The following CREM variants were observed in gnomAD, a reference collection of about 807,000 sequenced individuals.
CREM encodes cAMP-responsive element modulator.
Under a neutral mutation model 37.3 loss-of-function variants are expected in CREM, and 13 were observed. The ratio of observed to expected loss-of-function variants is 0.35; its 90% CI spans 0.23 to 0.55. CREM has a LOEUF of 0.55. CREM is among the 20% of genes least tolerant of loss of function. The pLI is 0.88. For synonymous variants in CREM, 124 were observed against 120.2 expected, an observed-to-expected ratio of 1.03 and a Z score of -0.21; for missense variants, 296 against 362.3, an observed-to-expected ratio of 0.82 and a Z score of 1.49.
rs2087917861 is a variant in CREM, at chr10:35,127,154, A to G, written c.-94A>G. The G allele has an allele frequency of 6.6e-6, 1 of 152,656 alleles. No individual in the cohort carries two copies. The highest frequency in any genetic ancestry group is 2.1e-4 in the South Asian group (1 of 4,824). 9.5% of individuals were successfully genotyped at this position (152,656 alleles called of 1,614,324 possible). On this transcript the variant is annotated 5_prime_UTR_variant, in exon 1 of 8. Transcript: ENST00000685392. ...CCGTCTCCACCTCCTCGCGTCCGTA[A>G]TCAGTGACGAGGTCCGCTACGTAAA...
At chr10:35,203,554 C>T (rs1311694860) in intron 6 of CREM, among the ~76,000 whole-genome samples, 3 of 151,890 alleles carry the variant, frequency 2.0e-5, no homozygotes, top group East Asian at 1.9e-4. Context: ...TAGCTGGGAG[C>T]GGTGGTGGGC....
intron 2 of CREM, among the ~76,000 whole-genome samples, chr10:35,142,605 AGC>A (rs1452456364): frequency 6.6e-6 from 1 of 152,052 alleles, no homozygotes; most frequent in African/African-American, 2.4e-5. Context: ...AGAATTTAAT[AGC>A]TATATTTATA....
chr10:35,154,386 C>G, intron 3 of CREM: 1 of 272,190 alleles, frequency 3.7e-6, no homozygotes, highest in Non-Finnish European at 6.8e-6. Flanking sequence ...TTAAAGAGAT[C>G]TGCATTATGT....
chr10:35,176,249 A>T (rs964806482), intron 3 of CREM, among the ~76,000 whole-genome samples: 1 of 152,162 alleles, frequency 6.6e-6, no homozygotes, highest in Non-Finnish European at 1.5e-5. Context: ...TGAGCAGTTC[A>T]TGTCTTCTTC....
At chr10:35,163,250 A>G (rs1355138173) in intron 3 of CREM, among the ~76,000 whole-genome samples, 3 of 152,004 alleles carry the variant, frequency 2.0e-5, no homozygotes, top group African/African-American at 7.2e-5. Flanking sequence ...TAGAGAACAA[A>G]AATATTAAAT....
chr10:35,147,675 TAAG>T (rs1025757597), intron 2 of CREM, among the ~76,000 whole-genome samples: 11 of 152,298 alleles, frequency 7.2e-5, no homozygotes, highest in African/African-American at 2.6e-4. Flanking sequence ...TATTAGGCCT[TAAG>T]AATCATAGAA....
intron 6 of CREM, among the ~76,000 whole-genome samples, chr10:35,193,230 A>G (rs1246540849): frequency 6.6e-6 from 1 of 152,226 alleles, no homozygotes; most frequent in African/African-American, 2.4e-5. Context: ...TTACCAAATG[A>G]AAGTGAACTG....
chr10:35,171,463 G>C (rs2093818396), intron 3 of CREM: 1 of 152,044 alleles, frequency 6.6e-6, no homozygotes, highest in Admixed American at 6.6e-5. Flanking sequence ...TGAGGACTTA[G>C]CCATTTTTGA....
chr10:35,130,048 T>A (rs534534861), intron 1 of CREM, among the ~76,000 whole-genome samples: 1 of 151,238 alleles, frequency 6.6e-6, no homozygotes. Context: ...AATACAAAAT[T>A]AGCCGGGCAT....
At chr10:35,204,292 A>G (rs922465548) in intron 6 of CREM, among the ~76,000 whole-genome samples, 1 of 152,326 alleles carries the variant, frequency 6.6e-6, no homozygotes, top group Admixed American at 6.5e-5. Context: ...AAGTTTATTC[A>G]TATGCTGGTG....
intron 7 of CREM, chr10:35,210,308 G>A (rs190399889): frequency 8.5e-5 from 13 of 152,190 alleles, no homozygotes; most frequent in Non-Finnish European, 8.8e-5. Flanking sequence ...AAGGGAAGTG[G>A]TTGCCATCCC....
chr10:35,144,790 T>C (rs1223506653), intron 2 of CREM, among the ~76,000 whole-genome samples: 3 of 151,990 alleles, frequency 2.0e-5, no homozygotes, highest in Non-Finnish European at 4.4e-5. Context: ...TGTACCCCTC[T>C]GTCCTTAAAG....
At chr10:35,203,166 C>T (rs940312848) in intron 6 of CREM, among the ~76,000 whole-genome samples, 4 of 151,982 alleles carry the variant, frequency 2.6e-5, no homozygotes, top group African/African-American at 7.3e-5. Context: ...ATGATCTTCC[C>T]ACCTAAGGCT....
At chr10:35,168,207 G>A (rs990921803) in intron 3 of CREM, among the ~76,000 whole-genome samples, 2 of 152,182 alleles carry the variant, frequency 1.3e-5, no homozygotes, top group African/African-American at 4.8e-5. Flanking sequence ...CTAGTTTACA[G>A]TCCCACCAAC....
intron 5 of CREM, 26 bp downstream of exon 5, chr10:35,179,302 T>TA (rs1175923397): frequency 2.5e-6 from 4 of 1,611,034 alleles, no homozygotes; most frequent in Non-Finnish European, 3.4e-6. Context: ...TTCGATATGA[T>TA]ACAGTGCTAG....
chr10:35,138,233 A>G (rs1285472470), intron 2 of CREM, among the ~76,000 whole-genome samples: 1 of 152,254 alleles, frequency 6.6e-6, no homozygotes, highest in Non-Finnish European at 1.5e-5. Flanking sequence ...ACTTAACCTT[A>G]TAAAACAGAA....
chr10:35,142,739 GGGACTACA>G (rs2091594529), intron 2 of CREM, among the ~76,000 whole-genome samples: 1 of 152,082 alleles, frequency 6.6e-6, no homozygotes, highest in Non-Finnish European at 1.5e-5. Flanking sequence ...CTGAGTAGCT[GGGACTACA>G]GGTGCCCATC....
chr10:35,180,386 A>G (rs1479665621), intron 5 of CREM, among the ~76,000 whole-genome samples: 4 of 152,234 alleles, frequency 2.6e-5, no homozygotes, highest in African/African-American at 4.8e-5. Context: ...AAAACAAGCT[A>G]TAATCTTTAA....
intron 3 of CREM, among the ~76,000 whole-genome samples, chr10:35,149,265 T>G: frequency 6.6e-6 from 1 of 152,092 alleles, no homozygotes; most frequent in East Asian, 1.9e-4. Context: ...GCCAGGTTGA[T>G]AAGGTGAGGA....
Sources: gnomAD v4.1 joint callset for allele counts (sites outside exome capture counted in the v4.1 genomes callset) on GRCh38, gnomAD v4.1.1 for gene constraint, MANE v1.5 for transcripts, NCBI Gene and HGNC (gene_info 2026-07-23, HGNC 2026-07-21) for gene names.